Variants in STXBP5L observed in about 807,000 individuals in gnomAD.
STXBP5L encodes syntaxin-binding protein 5-like.
A neutral mutation model predicts 144.5 loss-of-function variants in STXBP5L; 65 were observed. The ratio of observed to expected loss-of-function variants is 0.45; its 90% CI spans 0.37 to 0.55. The LOEUF is 0.55. Ranked by LOEUF, STXBP5L falls within the 20% of genes least tolerant of loss-of-function variation. The pLI is 0.00. For missense variants in STXBP5L, 1,298 were observed against 1,405.5 expected, an observed-to-expected ratio of 0.92 and a Z score of 1.22; for synonymous variants, 505 against 469.6, an observed-to-expected ratio of 1.08 and a Z score of -0.97.
chr3:121,115,931 C>A (rs2044214079), intron 6 of STXBP5L, among the ~76,000 whole-genome samples: 2 of 152,130 alleles, frequency 1.3e-5, no homozygotes, highest in African/African-American at 4.8e-5. Context: ...CAAGAACTCA[C>A]TATTACAAGA....
At chr3:121,145,040 G>T (rs190297448) in intron 7 of STXBP5L, among the ~76,000 whole-genome samples, 151 of 151,902 alleles carry the variant, frequency 9.9e-4, no homozygotes, top group Non-Finnish European at 1.7e-3. Context: ...TGAACTTAAA[G>T]TTTCAGTCAA....
chr3:121,021,865 C>G (rs745899044), intron 3 of STXBP5L, among the ~76,000 whole-genome samples: 9 of 151,974 alleles, frequency 5.9e-5, no homozygotes, highest in Non-Finnish European at 1.0e-4. Context: ...ACTAGAGAAA[C>G]AAGAACAAAC....
intron 2 of STXBP5L, among the ~76,000 whole-genome samples, chr3:120,929,502 G>A (rs1709812411): frequency 6.6e-6 from 1 of 151,910 alleles, no homozygotes; most frequent in African/African-American, 2.4e-5. Flanking sequence ...TGTAATGGCT[G>A]TATAACAATC....
At chr3:120,947,364 A>C (rs1336026520) in intron 2 of STXBP5L, among the ~76,000 whole-genome samples, 2 of 151,792 alleles carry the variant, frequency 1.3e-5, no homozygotes, top group Non-Finnish European at 2.9e-5. Context: ...TTTTGAAATC[A>C]ACTAGGTACC....
intron 20 of STXBP5L, among the ~76,000 whole-genome samples, chr3:121,340,924 A>C (rs1559993204): frequency 6.6e-6 from 1 of 152,158 alleles, no homozygotes; most frequent in Non-Finnish European, 1.5e-5. Context: ...AATCAGTGTT[A>C]AGTTGTCAAC....
chr3:121,034,958 C>T (rs766471217), intron 3 of STXBP5L, among the ~76,000 whole-genome samples: 1 of 152,098 alleles, frequency 6.6e-6, no homozygotes, highest in Non-Finnish European at 1.5e-5. Flanking sequence ...TTGTATTTCT[C>T]TAATGAATAG....
In STXBP5L at chr3:121,222,997, A is replaced by G. The variant is rs11707051; in HGVS notation, c.957-6A>G. Reference sequence around the variant, plus strand: ...CTGAGTCTCATTCATGTTTTTTCCTATGTAGCGAACCATTCATAATATTCT... The same window carrying G: ...CTGAGTCTCATTCATGTTTTTTCCTGTGTAGCGAACCATTCATAATATTCT... On this transcript the variant is annotated splice_polypyrimidine_tract_variant and splice_region_variant and intron_variant, in intron 10 of 26. Transcript: ENST00000471454. The G allele has an allele frequency of 6.9e-6, 11 of 1,590,430 alleles. No individual in the cohort carries two copies. Among genetic ancestry groups the G allele is most frequent in the Non-Finnish European group, 8.5e-6 (10 of 1,172,426 alleles).
At chr3:121,019,901 G>T (rs756578981) in intron 3 of STXBP5L, among the ~76,000 whole-genome samples, 1 of 152,090 alleles carries the variant, frequency 6.6e-6, no homozygotes, top group East Asian at 1.9e-4. Flanking sequence ...TAGCTCACCA[G>T]CAATGGATCC....
intron 5 of STXBP5L, among the ~76,000 whole-genome samples, chr3:121,096,843 C>T (rs140591613): frequency 1.6e-4 from 25 of 152,280 alleles, no homozygotes; most frequent in Non-Finnish European, 3.5e-4. Flanking sequence ...CTTGAGCAGG[C>T]AGTCTGATGG....
chr3:121,307,092 C>CTTCA (rs1186717668), intron 19 of STXBP5L, among the ~76,000 whole-genome samples: 1 of 152,040 alleles, frequency 6.6e-6, no homozygotes, highest in Non-Finnish European at 1.5e-5. Context: ...ACCTCAAAGT[C>CTTCA]TTCACAATGT....
chr3:121,128,458 C>G (rs2044818897), intron 7 of STXBP5L, among the ~76,000 whole-genome samples: 1 of 152,028 alleles, frequency 6.6e-6, no homozygotes, highest in Non-Finnish European at 1.5e-5. Flanking sequence ...TTCACTTAAC[C>G]TAATAAGAAA....
At chr3:121,000,321 C>T (rs1943669904) in intron 3 of STXBP5L, among the ~76,000 whole-genome samples, 2 of 151,690 alleles carry the variant, frequency 1.3e-5, no homozygotes, top group Admixed American at 6.6e-5. Context: ...TTCTTTTTTC[C>T]TTATTTTTTT....
intron 9 of STXBP5L, among the ~76,000 whole-genome samples, chr3:121,178,661 C>G (rs938932479): frequency 6.6e-5 from 10 of 152,070 alleles, no homozygotes; most frequent in Non-Finnish European, 1.5e-5. Context: ...ATCTGAAAAT[C>G]CAGATCACAG....
chr3:120,983,917 G>A (rs9863475), intron 3 of STXBP5L, among the ~76,000 whole-genome samples: 15,137 of 152,248 alleles, frequency 0.099, 1,191 homozygotes, highest in Admixed American at 0.2. Context: ...CCTACTAGCT[G>A]CATCTGGCCA....
intron 20 of STXBP5L, among the ~76,000 whole-genome samples, chr3:121,351,425 C>G (rs1392298985): frequency 6.6e-6 from 1 of 152,252 alleles, no homozygotes; most frequent in South Asian, 2.1e-4. Flanking sequence ...CTTGAGGAGG[C>G]AGTCTGTGTG....
At chr3:121,204,416 T>G (rs888397205) in intron 9 of STXBP5L, among the ~76,000 whole-genome samples, 10 of 152,084 alleles carry the variant, frequency 6.6e-5, no homozygotes, top group Admixed American at 3.3e-4. Context: ...TTAGTCAACA[T>G]AGGGTAAAAT....
chr3:120,910,876 T>A (rs1243002519), intron 2 of STXBP5L, among the ~76,000 whole-genome samples: 1 of 152,188 alleles, frequency 6.6e-6, no homozygotes, highest in African/African-American at 2.4e-5. Flanking sequence ...GATTTAATTC[T>A]AAGCTACTTT....
chr3:121,040,087 T>C (rs1289357305), intron 3 of STXBP5L, among the ~76,000 whole-genome samples: 1 of 152,106 alleles, frequency 6.6e-6, no homozygotes, highest in Non-Finnish European at 1.5e-5. Flanking sequence ...ATTTCTATCC[T>C]GTTTTATTTC....
chr3:120,998,208 A>G (rs1321857965), intron 3 of STXBP5L, among the ~76,000 whole-genome samples: 1 of 152,158 alleles, frequency 6.6e-6, no homozygotes, highest in Non-Finnish European at 1.5e-5. Flanking sequence ...CTCCAATTCA[A>G]CATAGTACTG....
Sources: allele counts gnomAD v4.1 joint callset (sites outside exome capture counted in the v4.1 genomes callset), GRCh38; gene constraint gnomAD v4.1.1; transcripts MANE v1.5; gene names NCBI Gene and HGNC (gene_info 2026-07-23, HGNC 2026-07-21).